CNTN1: variants seen among roughly 807,000 people sequenced by gnomAD.
CNTN1 encodes the protein contactin-1.
In CNTN1, 38 loss-of-function variants were observed where a neutral mutation model predicts 126.4. The ratio of observed to expected loss-of-function variants is 0.30; its 90% CI spans 0.23 to 0.39. The LOEUF is 0.39. Ranked by LOEUF, CNTN1 falls within the 10% of genes least tolerant of loss-of-function variation. CNTN1 has a pLI of 1.00. For missense variants in CNTN1, 1,009 were observed against 1,248.4 expected (o/e 0.81, Z 2.89); for synonymous variants, 413 against 422.6 (o/e 0.98, Z 0.28).
intron 1 of CNTN1, among the ~76,000 whole-genome samples, chr12:40,778,218 A>G (rs750134117): frequency 1.3e-5 from 2 of 151,830 alleles, no homozygotes; most frequent in Non-Finnish European, 2.9e-5. Flanking sequence ...TGGCTTCACC[A>G]TTTCCATGTT....
chr12:40,752,195 A>G (rs1712472746), intron 1 of CNTN1, among the ~76,000 whole-genome samples: 1 of 152,120 alleles, frequency 6.6e-6, no homozygotes, highest in South Asian at 2.1e-4. Context: ...CGTGTTTATA[A>G]TAGATGAGCC....
chr12:41,057,551 ACT>A (rs747840069), intron 23 of CNTN1, among the ~76,000 whole-genome samples: 26 of 151,888 alleles, frequency 1.7e-4, no homozygotes, highest in African/African-American at 4.6e-4. Context: ...TCAACATAAG[ACT>A]CTGTTCATAT....
chr12:41,048,763 A>C (rs897028976), intron 23 of CNTN1, among the ~76,000 whole-genome samples: 2 of 152,138 alleles, frequency 1.3e-5, no homozygotes, highest in African/African-American at 2.4e-5. Context: ...AGAGAAAGAG[A>C]AGAAGGAGAG....
At chr12:40,888,870 T>C (rs965483910) in intron 1 of CNTN1, among the ~76,000 whole-genome samples, 3 of 152,208 alleles carry the variant, frequency 2.0e-5, no homozygotes, top group African/African-American at 7.2e-5. Context: ...TTTCCCCTGA[T>C]TTAGCATCTA....
intron 1 of CNTN1, among the ~76,000 whole-genome samples, chr12:40,735,036 G>T (rs1942586359): frequency 6.6e-6 from 1 of 152,076 alleles, no homozygotes; most frequent in Non-Finnish European, 1.5e-5. Context: ...AGATTATACT[G>T]CAAAGAAGGG....
At chr12:40,779,125 AT>A (rs1565723671) in intron 1 of CNTN1, among the ~76,000 whole-genome samples, 1 of 151,706 alleles carries the variant, frequency 6.6e-6, no homozygotes, top group African/African-American at 2.4e-5. Context: ...AATAATCTTT[AT>A]TTTTTTAAGG....
chr12:40,714,079 G>A (rs1349173229), intron 1 of CNTN1, among the ~76,000 whole-genome samples: 3 of 151,942 alleles, frequency 2.0e-5, no homozygotes, highest in African/African-American at 7.2e-5. Context: ...TTTATTTTTT[G>A]TTTGTGTTAT....
In CNTN1 at chr12:40,891,106, C is replaced by T. The variant is rs187817930; in HGVS notation, c.-76-17251C>T. 1.0e-3 allele frequency among the ~76,000 whole-genome samples: 157 copies of T among 152,178 alleles called. 2 individuals are homozygous for T. Among genetic ancestry groups the T allele is most frequent in the African/African-American group, 3.2e-3 (131 of 41,530 alleles). On this transcript the variant is annotated intron_variant, in intron 1 of 23. Transcript: ENST00000551295. ...TTTTATCATTTTAATGTGCAATTTC[C>T]TGATGATATATGATGTTGAGCATCT...
At chr12:40,751,742 G>T (rs1335520444) in intron 1 of CNTN1, among the ~76,000 whole-genome samples, 1 of 152,064 alleles carries the variant, frequency 6.6e-6, no homozygotes, top group Non-Finnish European at 1.5e-5. Context: ...AGTTATATGA[G>T]TTAAGGAAAG....
intron 1 of CNTN1, among the ~76,000 whole-genome samples, chr12:40,883,346 AT>A (rs1208204900): frequency 6.6e-6 from 1 of 151,648 alleles, no homozygotes; most frequent in Admixed American, 6.6e-5. Context: ...TCAATTAAAA[AT>A]ATTATGAAAG....
At chr12:41,001,492 T>G (rs937692388) in intron 17 of CNTN1, among the ~76,000 whole-genome samples, 2 of 152,178 alleles carry the variant, frequency 1.3e-5, no homozygotes, top group Non-Finnish European at 1.5e-5. Flanking sequence ...TGCTGGATAT[T>G]AATTAGACTT....
At chr12:40,736,400 C>T (rs1262547366) in intron 1 of CNTN1, among the ~76,000 whole-genome samples, 1 of 151,928 alleles carries the variant, frequency 6.6e-6, no homozygotes, top group East Asian at 1.9e-4. Context: ...GTTTAAGAAG[C>T]TCTTGCAATA....
intron 23 of CNTN1, among the ~76,000 whole-genome samples, chr12:41,039,510 T>C (rs1205662548): frequency 6.6e-6 from 1 of 152,050 alleles, no homozygotes; most frequent in East Asian, 1.9e-4. Context: ...CTACTGAAAA[T>C]ACATGAAGAA....
At chr12:40,956,056 T>C (rs1054279325) in intron 14 of CNTN1, among the ~76,000 whole-genome samples, 1 of 152,118 alleles carries the variant, frequency 6.6e-6, no homozygotes, top group Non-Finnish European at 1.5e-5. Context: ...ATTTGTTTAG[T>C]AAATGCTGTC....
At chr12:40,875,039 A>C (rs767169182) in intron 1 of CNTN1, among the ~76,000 whole-genome samples, 4 of 152,154 alleles carry the variant, frequency 2.6e-5, no homozygotes, top group Non-Finnish European at 5.9e-5. Context: ...ACGTATATAC[A>C]AGAGTGCTCT....
At chr12:40,737,357 GTGTATATATA>G (rs1224476056) in intron 1 of CNTN1, among the ~76,000 whole-genome samples, 2 of 105,072 alleles carry the variant, frequency 1.9e-5, no homozygotes, top group African/African-American at 3.6e-5. Context: ...ATATGTGTGT[GTGTATATATA>G]TATATATATA....
chr12:40,929,722 T>C, intron 6 of CNTN1, 74 bp from the exon 7 acceptor site: 1 of 1,101,048 alleles, frequency 9.1e-7, no homozygotes, highest in Admixed American at 1.9e-5. Context: ...GATAGCTTGT[T>C]ACTAGCCTCT....
intron 1 of CNTN1, among the ~76,000 whole-genome samples, chr12:40,724,142 T>G (rs910919617): frequency 1.3e-5 from 2 of 152,198 alleles, no homozygotes; most frequent in African/African-American, 4.8e-5. Flanking sequence ...AATTAGAACA[T>G]TTTTGAACCT....
intron 1 of CNTN1, among the ~76,000 whole-genome samples, chr12:40,872,230 G>A (rs1158024282): frequency 6.7e-6 from 1 of 148,176 alleles, no homozygotes; most frequent in Non-Finnish European, 1.5e-5. Context: ...GTGTGTGTGT[G>A]TGTGTGTGTG....
Sources: allele counts gnomAD v4.1 joint callset (sites outside exome capture counted in the v4.1 genomes callset), GRCh38; gene constraint gnomAD v4.1.1; transcripts MANE v1.5; gene names NCBI Gene and HGNC (gene_info 2026-07-23, HGNC 2026-07-21).